ELL2: variants seen among roughly 807,000 people sequenced by gnomAD.
ELL2 encodes elongation factor for RNA polymerase II 2.
Under a neutral mutation model 72.8 loss-of-function variants are expected in ELL2, and 21 were observed. That is an observed-to-expected ratio of 0.29 (90% CI 0.20 to 0.42). The LOEUF (loss-of-function observed/expected upper bound fraction) is 0.42, where lower values mean the gene tolerates loss of function less well. Among genes scored for constraint, ELL2 ranks in the 10% least tolerant of loss-of-function variants. The pLI, the probability that ELL2 is intolerant of heterozygous loss-of-function variation, is 1.00. For missense variants in ELL2, 568 were observed against 772.8 expected (o/e 0.73, Z 3.14); for synonymous variants, 266 against 283.2 (o/e 0.94, Z 0.61).
intron 8 of ELL2, 43 bp downstream of exon 8, chr5:95,898,197 C>A: frequency 6.9e-7 from 1 of 1,458,072 alleles, no homozygotes; most frequent in Non-Finnish European, 9.3e-7. Flanking sequence ...TAATTTCAAA[C>A]TCATGATAGC....
chr5:95,908,611 C>T (rs1357429050), intron 4 of ELL2, among the ~76,000 whole-genome samples: 5 of 152,176 alleles, frequency 3.3e-5, no homozygotes, highest in East Asian at 1.9e-4. Context: ...TACTTCCCCA[C>T]GTTGCCAGGC....
At chr5:95,916,858 G>C (rs1178251649) in intron 3 of ELL2, among the ~76,000 whole-genome samples, 1 of 151,722 alleles carries the variant, frequency 6.6e-6, no homozygotes, top group Non-Finnish European at 1.5e-5. Flanking sequence ...ATAGAGTGAA[G>C]GTCTGGTGGC....
At chr5:95,931,254 T>G (rs1232775375) in intron 2 of ELL2, among the ~76,000 whole-genome samples, 2 of 152,106 alleles carry the variant, frequency 1.3e-5, no homozygotes, top group Non-Finnish European at 2.9e-5. Context: ...AAAATGTAGA[T>G]AATGATATTA....
At chr5:95,952,269 TAAAG>T (rs1209823629) in intron 1 of ELL2, among the ~76,000 whole-genome samples, 2 of 152,152 alleles carry the variant, frequency 1.3e-5, no homozygotes, top group East Asian at 3.9e-4. Flanking sequence ...CGCATGGACA[TAAAG>T]AGGGGAATAA....
chr5:95,905,986 A>G (rs978886908), intron 5 of ELL2, among the ~76,000 whole-genome samples: 6 of 152,224 alleles, frequency 3.9e-5, no homozygotes, highest in Non-Finnish European at 1.5e-5. Flanking sequence ...AAAGTATGGG[A>G]TCACTGCTAA....
chr5:95,903,977 G>GT (rs1222110336), intron 5 of ELL2, among the ~76,000 whole-genome samples: 1 of 152,062 alleles, frequency 6.6e-6, no homozygotes, highest in Non-Finnish European at 1.5e-5. Flanking sequence ...ACACCTAACC[G>GT]TTAGCAAGTC....
Position 95,961,733 on chromosome 5 carries a change from C to T in ELL2, c.-12G>A, listed in dbSNP as rs1307095346. The T allele has an allele frequency of 3.1e-6, 5 of 1,592,516 alleles. No homozygotes were observed. The African/African-American group carries it at 5.5e-5, about 17-fold the overall frequency. Reference sequence around the variant, plus strand: ...CCCCCCGCCGCCATCTTAAACTCCCCGGGGTGCCGCCGCCGCCGCCGCTCC... The same window carrying T: ...CCCCCCGCCGCCATCTTAAACTCCCTGGGGTGCCGCCGCCGCCGCCGCTCC... On this transcript the variant is annotated 5_prime_UTR_variant, in exon 1 of 12. Coordinates refer to ENST00000237853, the MANE Select transcript of ELL2 (RefSeq NM_012081.6).
At chr5:95,948,429 C>CAAAAAAAAAAAAAAAAAA (rs1187881368) in intron 1 of ELL2, among the ~76,000 whole-genome samples, 4 of 35,230 alleles carry the variant, frequency 1.1e-4, no homozygotes, top group African/African-American at 4.8e-4. Context: ...GACTCCGCCT[C>CAAAAAAAAAAAAAAAAAA]AAAAAAAAAA....
rs67688131 is a variant in ELL2, at chr5:95,927,734, T to TAC, written c.196-8191_196-8190dup. On this transcript the variant is annotated intron_variant, in intron 2 of 11. Transcript: ENST00000237853. ...ACACACATATGTGTGTATATAGACA[T>TAC]ACACACACACATATGTGTGTATATA... 3.3e-5 allele frequency among the ~76,000 whole-genome samples: 2 copies of TAC among 60,084 alleles called. 1 individual carries two copies. The highest frequency in any genetic ancestry group is 2.5e-4 in the Admixed American group (2 of 7,844). 39.4% of individuals were successfully genotyped at this position (60,084 alleles called of 152,430 possible). A position where few individuals can be genotyped will look rare whatever the true frequency, so the allele number is the denominator to read the frequency against.
rs1748536317 is a variant in ELL2 at position 95,888,435 on chromosome 5, A to C, written c.*436T>G. The C allele has an allele frequency of 6.5e-6, 1 of 152,726 alleles. No homozygotes were observed. Among genetic ancestry groups the C allele is most frequent in the African/African-American group, 2.4e-5 (1 of 41,450 alleles). 9.5% of individuals were successfully genotyped at this position (152,726 alleles called of 1,614,324 possible). On this transcript the variant is annotated 3_prime_UTR_variant, in exon 12 of 12. Transcript: ENST00000237853. ...TTAAGGCAAAGAGTTTGCATTAAGA[A>C]ACGTCAGAAAATAGGCTTACGTTTA...
At chr5:95,916,279 T>C (rs927974181) in intron 3 of ELL2, among the ~76,000 whole-genome samples, 1 of 151,752 alleles carries the variant, frequency 6.6e-6, no homozygotes, top group African/African-American at 2.4e-5. Flanking sequence ...GAAGGACAGG[T>C]TGGGAGACAG....
intron 7 of ELL2, 152 bp from the exon 8 acceptor site, chr5:95,898,962 AAAAC>A (rs3836903): frequency 4.0e-6 from 2 of 494,918 alleles, no homozygotes; most frequent in Non-Finnish European, 3.3e-6. Flanking sequence ...GCTTAAGCAA[AAAAC>A]AAACAAACAA....
Position 95,906,510 on chromosome 5 carries a change from C to A in ELL2, c.741+13G>T. 6.3e-7 allele frequency: 1 copy of A among 1,594,026 alleles called. No homozygotes were observed. The highest frequency in any genetic ancestry group is 1.7e-5 in the Admixed American group (1 of 58,748). ...AAGGTAAGCAGGAAGGACCTCTCTC[C>A]AGCTGTCCTCACCTGTTGCAGAATT... On this transcript the variant is annotated intron_variant, in intron 5 of 11. Transcript: ENST00000237853.
chr5:95,906,443 TAATAATGAC>T, intron 5 of ELL2, 71 bp downstream of exon 5: 1 of 1,439,586 alleles, frequency 6.9e-7, no homozygotes, highest in Non-Finnish European at 9.3e-7. Context: ...ATAATAATGA[TAATAATGAC>T]AACAAGCTTT....
In ELL2 at chr5:95,916,947, C is replaced by T. The variant is rs192782252; in HGVS notation, c.317+2477G>A. Among the ~76,000 whole-genome samples the T allele has an allele frequency of 3.9e-5, 6 of 152,236 alleles. 1 individual carries two copies. The highest frequency in any genetic ancestry group is 1.4e-4 in the African/African-American group (6 of 41,524). On this transcript the variant is annotated intron_variant, in intron 3 of 11. Coordinates refer to ENST00000237853, the MANE Select transcript of ELL2 (RefSeq NM_012081.6). ...GTGAGAATAAGCTGAACATACTGCC[C>T]CTCATGCGAAGTCAGAAAACAGATC...
At chr5:95,908,527 A>G (rs1301758345) in intron 4 of ELL2, among the ~76,000 whole-genome samples, 1 of 152,174 alleles carries the variant, frequency 6.6e-6, no homozygotes, top group African/African-American at 2.4e-5. Context: ...GCATGCCTTA[A>G]ATCAGTATTT....
At chr5:95,925,048 C>G (rs1400610999) in intron 2 of ELL2, among the ~76,000 whole-genome samples, 1 of 152,192 alleles carries the variant, frequency 6.6e-6, no homozygotes, top group African/African-American at 2.4e-5. Flanking sequence ...GTCCTTGAGT[C>G]AAATACTTTC....
intron 2 of ELL2, among the ~76,000 whole-genome samples, chr5:95,923,240 G>GA (rs11401689): frequency 0.31 from 44,501 of 142,042 alleles, 6,855 homozygotes; most frequent in East Asian, 0.42. Context: ...AAAATAAAGT[G>GA]AAAAAAAAAA....
intron 3 of ELL2, among the ~76,000 whole-genome samples, chr5:95,916,798 T>C (rs997476233): frequency 6.7e-6 from 1 of 149,412 alleles, no homozygotes; most frequent in Non-Finnish European, 1.5e-5. Flanking sequence ...GGGAAGGTAA[T>C]CCTCAGAGGA....
Sources: gnomAD v4.1 joint callset for allele counts (sites outside exome capture counted in the v4.1 genomes callset) on GRCh38, gnomAD v4.1.1 for gene constraint, MANE v1.5 for transcripts, NCBI Gene and HGNC (gene_info 2026-07-23, HGNC 2026-07-21) for gene names.